CDC7: variants seen among roughly 807,000 people sequenced by gnomAD.
CDC7 encodes cell division cycle 7.
CDC7 carries 34 observed loss-of-function variants against 53.5 expected under a neutral mutation model. That is an observed-to-expected ratio of 0.64 (90% CI 0.48 to 0.85). The LOEUF (loss-of-function observed/expected upper bound fraction) is 0.85. Ranked by LOEUF, CDC7 falls within the 40% of genes least tolerant of loss-of-function variation. CDC7 has a pLI of 0.00. For synonymous variants in CDC7, 211 were observed against 222.8 expected (o/e 0.95, Z 0.47); for missense variants, 594 against 679.7 (o/e 0.87, Z 1.40).
At chr1:91,516,522 CAAAT>C (rs1462302481) in intron 10 of CDC7, among the ~76,000 whole-genome samples, 2 of 152,052 alleles carry the variant, frequency 1.3e-5, no homozygotes, top group Non-Finnish European at 2.9e-5. Flanking sequence ...CTAATGATAA[CAAAT>C]AAATAAATGA....
intron 11 of CDC7, among the ~76,000 whole-genome samples, chr1:91,521,287 T>A (rs1019132452): frequency 1.3e-5 from 2 of 152,234 alleles, no homozygotes; most frequent in Non-Finnish European, 2.9e-5. Context: ...TCCAGCCTTG[T>A]TAGTTTGAAA....
intron 5 of CDC7, 33 bp downstream of exon 5, chr1:91,511,723 C>G: frequency 6.4e-7 from 1 of 1,571,790 alleles, no homozygotes. Context: ...TTTTTATTAG[C>G]TAAATATTTA....
At chr1:91,508,778 G>C (rs1667117791) in intron 4 of CDC7, among the ~76,000 whole-genome samples, 1 of 152,038 alleles carries the variant, frequency 6.6e-6, no homozygotes, top group African/African-American at 2.4e-5. Flanking sequence ...CATCTGGTAT[G>C]GTTTCTCTCT....
rs549271651 is a variant in CDC7 at position 91,524,012 on chromosome 1, GTTT to G, written c.1331-26_1331-24del. ...TTCAAATAATAAAATGTTTTTTTCT[GTTT>G]TTGTTTTTTCTTCTTTTGCTTTTAG... On this transcript the variant is annotated intron_variant, in intron 11 of 11. Coordinates refer to ENST00000234626, the MANE Select transcript of CDC7 (RefSeq NM_003503.4). 0.026 allele frequency: 40,388 copies of G among 1,536,954 alleles called. 669 individuals carry two copies. Among genetic ancestry groups the G allele is most frequent in the Non-Finnish European group, 0.03 (33,914 of 1,138,638 alleles).
At chr1:91,511,462 A>G in intron 4 of CDC7, 135 bp from the exon 5 acceptor site, 1 of 569,580 alleles carries the variant, frequency 1.8e-6, no homozygotes. Context: ...TTGTGTTTAT[A>G]TTATGTGATG....
At chr1:91,509,384 A>AC (rs1667151316) in intron 4 of CDC7, among the ~76,000 whole-genome samples, 1 of 151,946 alleles carries the variant, frequency 6.6e-6, no homozygotes, top group African/African-American at 2.4e-5. Context: ...AAAAAAAAAA[A>AC]AAAACACCAC....
rs1165934106 is a variant in CDC7 at position 91,524,607 on chromosome 1, GA to G, written c.*173del. 3.4e-6 allele frequency: 2 copies of G among 581,188 alleles called. No homozygotes were observed. Among genetic ancestry groups the G allele is most frequent in the Admixed American group, 3.3e-5 (1 of 30,712 alleles). The allele number at this position is 581,188 out of a possible 1,614,324, so 36.0% of individuals were successfully genotyped here. A position where few individuals can be genotyped will look rare whatever the true frequency, so the allele number is the denominator to read the frequency against. On this transcript the variant is annotated 3_prime_UTR_variant, in exon 12 of 12. Coordinates refer to ENST00000234626, the MANE Select transcript of CDC7 (RefSeq NM_003503.4). ...GATTAAGAATACTTAAAATGCCTGG[GA>G]TAGTTCTTGGGACTAACAACATGAT... is the stretch of plus-strand genomic sequence containing the variant.
intron 6 of CDC7, 81 bp from the exon 7 acceptor site, chr1:91,512,977 T>G: frequency 5.3e-6 from 6 of 1,130,172 alleles, no homozygotes; most frequent in South Asian, 1.8e-5. Flanking sequence ...ACAGTTTTTA[T>G]GAGGATGGTT....
intron 9 of CDC7, among the ~76,000 whole-genome samples, chr1:91,515,503 A>C (rs945976549): frequency 6.6e-6 from 1 of 152,084 alleles, no homozygotes; most frequent in Non-Finnish European, 1.5e-5. Flanking sequence ...GTGAATTGCT[A>C]TTGGGTTCTA....
chr1:91,520,324 A>G, intron 11 of CDC7, 45 bp downstream of exon 11: 1 of 1,405,784 alleles, frequency 7.1e-7, no homozygotes, highest in Non-Finnish European at 9.6e-7. Flanking sequence ...GCCTTTGATT[A>G]TCTCCTACAA....
At chr1:91,512,704 T>TA (rs982328673) in intron 6 of CDC7, among the ~76,000 whole-genome samples, 1 of 152,116 alleles carries the variant, frequency 6.6e-6, no homozygotes, top group African/African-American at 2.4e-5. Context: ...ACCATGATTT[T>TA]AATTTTTTTA....
Position 91,513,139 on chromosome 1 carries a change from T to C in CDC7, c.654T>C (p.Ala218=). The C allele has an allele frequency of 6.2e-7, 1 of 1,613,686 alleles. No homozygotes were observed. The highest frequency in any genetic ancestry group is 8.5e-7 in the Non-Finnish European group (1 of 1,179,726). Residue 218 remains alanine, a synonymous_variant, in exon 7 of 12, where the codon GCT becomes GCC. Coordinates refer to ENST00000234626, the MANE Select transcript of CDC7 (RefSeq NM_003503.4). ...IELLKFVQSE[A]QQERCSQNKS... is the part of the protein sequence containing the mutation. The stretch of plus-strand genomic sequence containing the variant: ...TTCTTAAATTTGTCCAGTCTGAAGC[T>C]CAGCAGGAAAGGTGTTCACAAAACA...
At chr1:91,510,079 G>A (rs749812810) in intron 4 of CDC7, among the ~76,000 whole-genome samples, 33 of 152,030 alleles carry the variant, frequency 2.2e-4, no homozygotes, top group Non-Finnish European at 4.0e-4. Flanking sequence ...TCCAGGCAAG[G>A]TGGCACACAT....
In CDC7 at chr1:91,524,602, C is replaced by G. The variant is rs999654973; in HGVS notation, c.*167C>G. On this transcript the variant is annotated 3_prime_UTR_variant, in exon 12 of 12. Coordinates refer to ENST00000234626, the MANE Select transcript of CDC7 (RefSeq NM_003503.4). ...ATATAGATTAAGAATACTTAAAATG[C>G]CTGGGATAGTTCTTGGGACTAACAA... 2 of 590,186 alleles carry G rather than the reference C, an allele frequency of 3.4e-6. No homozygotes were observed. The highest frequency in any genetic ancestry group is 3.7e-5 in the African/African-American group (2 of 53,438). 36.6% of individuals were successfully genotyped at this position (590,186 alleles called of 1,614,324 possible). A position where few individuals can be genotyped will look rare whatever the true frequency, so the allele number is the denominator to read the frequency against.
At chr1:91,521,168 C>T (rs1037030696) in intron 11 of CDC7, among the ~76,000 whole-genome samples, 1 of 152,192 alleles carries the variant, frequency 6.6e-6, no homozygotes, top group Non-Finnish European at 1.5e-5. Flanking sequence ...GGGTCTTAAC[C>T]AGAGTTGCAT....
intron 10 of CDC7, among the ~76,000 whole-genome samples, chr1:91,519,466 G>C (rs928724344): frequency 6.6e-6 from 1 of 151,748 alleles, no homozygotes; most frequent in Non-Finnish European, 1.5e-5. Context: ...TGGATTGTTC[G>C]TAACACAAAG....
At chr1:91,520,076 G>C (rs996769867) in intron 10 of CDC7, 54 bp from the exon 11 acceptor site, 35 of 1,397,376 alleles carry the variant, frequency 2.5e-5, no homozygotes, top group Non-Finnish European at 3.4e-5. Flanking sequence ...TATTGATTTA[G>C]ATGATAAAAT....
At chr1:91,506,591 T>C (rs1465267237) in intron 2 of CDC7, among the ~76,000 whole-genome samples, 2 of 152,188 alleles carry the variant, frequency 1.3e-5, no homozygotes, top group Admixed American at 1.3e-4. Flanking sequence ...AGTGGCTGCA[T>C]CAAATTTATT....
chr1:91,519,456 T>C (rs1174406589), intron 10 of CDC7, among the ~76,000 whole-genome samples: 4 of 151,688 alleles, frequency 2.6e-5, no homozygotes, highest in Admixed American at 6.6e-5. Context: ...AGAATATAAT[T>C]GGATTGTTCG....
Sources: gnomAD v4.1 joint callset for allele counts (sites outside exome capture counted in the v4.1 genomes callset) on GRCh38, gnomAD v4.1.1 for gene constraint, MANE v1.5 for transcripts, NCBI Gene and HGNC (gene_info 2026-07-23, HGNC 2026-07-21) for gene names.